Variants in TYW2 observed in about 807,000 individuals in gnomAD.
The protein encoded by TYW2 is tRNA wybutosine-synthesizing protein 2 homolog.
the TYW2 span, chr8:124,451,347 C>G: frequency 6.2e-7 from 1 of 1,614,172 alleles, no homozygotes; most frequent in South Asian, 1.1e-5. Context: ...ATGGTAATCT[C>G]TTGTTGCTGA....
the TYW2 span, chr8:124,452,610 C>T: frequency 7.2e-6 from 2 of 279,118 alleles, no homozygotes; most frequent in South Asian, 6.0e-5. Context: ...TTTCTTTGAA[C>T]TGTCTCACGT....
chr8:124,452,532 GA>G, the TYW2 span: 1 of 450,362 alleles, frequency 2.2e-6, no homozygotes, highest in Non-Finnish European at 4.1e-6. Flanking sequence ...TCCAAATTCT[GA>G]CCTCAGTTCT....
At chr8:124,452,167 C>T in the TYW2 span, 28 of 1,614,070 alleles carry the variant, frequency 1.7e-5, no homozygotes, top group South Asian at 2.7e-4. Flanking sequence ...GCATGGGAAA[C>T]CATGGAAGAC....
the TYW2 span, chr8:124,451,117 G>A: frequency 6.2e-7 from 1 of 1,614,084 alleles, no homozygotes; most frequent in Non-Finnish European, 8.5e-7. Context: ...GGTGCTGGGA[G>A]AGACGCTTCC....
chr8:124,451,616 C>T, the TYW2 span: 5 of 1,614,054 alleles, frequency 3.1e-6, no homozygotes, highest in Non-Finnish European at 3.4e-6. Context: ...CGAGTGGCAT[C>T]GTTGTCCTGT....
the TYW2 span, chr8:124,452,219 A>C: frequency 6.2e-7 from 1 of 1,614,200 alleles, no homozygotes; most frequent in Non-Finnish European, 8.5e-7. Context: ...TATGCTCCCC[A>C]TGTGGATCAC....
At chr8:124,452,843 T>C in the TYW2 span, 8 of 167,402 alleles carry the variant, frequency 4.8e-5, no homozygotes, top group South Asian at 2.1e-4. Context: ...ATAAATAAAA[T>C]TGACAGACCA....
chr8:124,450,900 T>A, the TYW2 span: 2 of 1,593,668 alleles, frequency 1.3e-6, no homozygotes, highest in Non-Finnish European at 1.7e-6. Flanking sequence ...GTGAGCCGAC[T>A]CTGAGGAGAT....
the TYW2 span, chr8:124,451,571 G>C: frequency 6.2e-7 from 1 of 1,614,070 alleles, no homozygotes; most frequent in African/African-American, 1.3e-5. Flanking sequence ...GTGACCCAGT[G>C]TATGTTCTCC....
the TYW2 span, chr8:124,451,250 G>A: frequency 1.1e-5 from 18 of 1,614,188 alleles, no homozygotes; most frequent in East Asian, 4.0e-4. Context: ...CAAAAATTGT[G>A]TCTTGAGGTG....
At chr8:124,451,506 G>T in the TYW2 span, 1 of 1,614,214 alleles carries the variant, frequency 6.2e-7, no homozygotes. Flanking sequence ...CACTGCTGCT[G>T]GGTGACCATG....
At chr8:124,451,606 C>T in the TYW2 span, 2 of 1,614,164 alleles carry the variant, frequency 1.2e-6, no homozygotes, top group Non-Finnish European at 1.7e-6. Flanking sequence ...TGAGAAGCTT[C>T]GAGTGGCATC....
the TYW2 span, chr8:124,450,971 G>A: frequency 6.2e-7 from 1 of 1,614,168 alleles, no homozygotes; most frequent in South Asian, 1.1e-5. Context: ...AGAGAAAGTG[G>A]GAAGCCCGTG....
At chr8:124,450,882 T>G in the TYW2 span, 3 of 1,559,204 alleles carry the variant, frequency 1.9e-6, no homozygotes, top group East Asian at 2.3e-5. Context: ...GGGAATTTAG[T>G]CAGCCTGGTG....
At chr8:124,451,522 G>A in the TYW2 span, 15 of 1,614,216 alleles carry the variant, frequency 9.3e-6, no homozygotes. Flanking sequence ...CCATGGCTGG[G>A]TAGAGCATGT....
chr8:124,450,855 C>G, the TYW2 span: 6 of 1,524,670 alleles, frequency 3.9e-6, no homozygotes, highest in East Asian at 9.0e-5. Flanking sequence ...GAGCTGCAGG[C>G]TACCTTATTT....
chr8:124,451,422 C>T, the TYW2 span: 3 of 1,614,148 alleles, frequency 1.9e-6, no homozygotes, highest in South Asian at 1.1e-5. Context: ...AGACCGTTGC[C>T]TTGGCACTTG....
At chr8:124,450,869 AC>A in the TYW2 span, 1 of 1,549,276 alleles carries the variant, frequency 6.5e-7, no homozygotes, top group African/African-American at 1.4e-5. Flanking sequence ...CTTATTTAAG[AC>A]CGGGAATTTA....
the TYW2 span, chr8:124,451,696 G>A: frequency 7.4e-6 from 12 of 1,614,182 alleles, no homozygotes; most frequent in Non-Finnish European, 1.0e-5. Context: ...AGTTCATGCT[G>A]GTGCTGCCTT....
Sources: gnomAD v4.1 joint callset for allele counts on GRCh38, gnomAD v4.1.1 for gene constraint, MANE v1.5 for transcripts, NCBI Gene and HGNC (gene_info 2026-07-23, HGNC 2026-07-21) for gene names.